Variants in SLC25A31 observed in about 807,000 individuals in gnomAD.
SLC25A31 encodes the protein ADP/ATP translocase 4.
SLC25A31 carries 40 observed loss-of-function variants against 36.2 expected under a neutral mutation model. The ratio of observed to expected loss-of-function variants is 1.10; its 90% CI spans 0.86 to 1.44. The LOEUF (loss-of-function observed/expected upper bound fraction) is 1.44. SLC25A31 is among the 40% of genes most tolerant of loss of function. The probability of loss-of-function intolerance (pLI) is 0.00; values close to 1 mark genes in which losing one functional copy is unlikely to be tolerated. For missense variants in SLC25A31, 350 were observed against 397.1 expected, an observed-to-expected ratio of 0.88 and a Z score of 1.01; for synonymous variants, 143 against 149.7, an observed-to-expected ratio of 0.96 and a Z score of 0.32.
At chr4:127,762,784 C>T (rs1174415075) in intron 2 of SLC25A31, among the ~76,000 whole-genome samples, 2 of 151,804 alleles carry the variant, frequency 1.3e-5, no homozygotes, top group Non-Finnish European at 2.9e-5. Context: ...ATTATCTGGG[C>T]GTGGTGGCGG....
chr4:127,768,159 TTATAC>T (rs765185868), intron 4 of SLC25A31, among the ~76,000 whole-genome samples: 1 of 151,948 alleles, frequency 6.6e-6, no homozygotes. Flanking sequence ...TAATAAATAA[TTATAC>T]TATACTCCTT....
chr4:127,760,295 A>C (rs563815915), intron 2 of SLC25A31, among the ~76,000 whole-genome samples: 1 of 152,364 alleles, frequency 6.6e-6, no homozygotes, highest in East Asian at 1.9e-4. Context: ...TAAGGGAAGC[A>C]TGTGCCTACT....
chr4:127,767,080 C>A lies in SLC25A31; in HGVS notation c.493C>A (p.Gln165Lys). The change falls in exon 4 of 6, where the codon CAA (glutamine) becomes AAA (lysine). Residue 165 changes from glutamine to lysine, a missense_variant. Physicochemically the swap from Gln to Lys is moderately conservative, Grantham distance 53. Coordinates refer to ENST00000281154, the MANE Select transcript of SLC25A31 (RefSeq NM_031291.4). The part of the protein sequence containing the change: ...VDIGKGPEER[Q>K]FKGLGDCIMK... ...CTTTATTTTAGGTCCTGAGGAGCGA[C>A]AATTCAAGGGTTTAGGTGACTGTAT... is the stretch of plus-strand genomic sequence containing the variant. The A allele has an allele frequency of 6.2e-7, 1 of 1,609,688 alleles. No homozygotes were observed. Among genetic ancestry groups the A allele is most frequent in the Non-Finnish European group, 8.5e-7 (1 of 1,178,376 alleles).
chr4:127,757,267 T>C (rs1489655007), intron 2 of SLC25A31, among the ~76,000 whole-genome samples: 1 of 152,200 alleles, frequency 6.6e-6, no homozygotes, highest in Non-Finnish European at 1.5e-5. Context: ...AACAGGTAGC[T>C]TTTTAACCCT....
At chr4:127,755,772 G>A (rs1436085561) in intron 2 of SLC25A31, among the ~76,000 whole-genome samples, 6 of 152,318 alleles carry the variant, frequency 3.9e-5, no homozygotes, top group Non-Finnish European at 7.3e-5. Context: ...TGTGGTTCAC[G>A]CCTATAATCC....
chr4:127,742,275 A>G (rs889686214), intron 1 of SLC25A31, among the ~76,000 whole-genome samples: 1 of 152,196 alleles, frequency 6.6e-6, no homozygotes, highest in Non-Finnish European at 1.5e-5. Context: ...TATTTGTCAT[A>G]TCTGAGTTCC....
intron 2 of SLC25A31, among the ~76,000 whole-genome samples, chr4:127,752,183 T>C (rs1393902325): frequency 1.3e-5 from 2 of 152,128 alleles, no homozygotes; most frequent in African/African-American, 4.8e-5. Context: ...TGTCCATCAG[T>C]GATAGACTGG....
intron 1 of SLC25A31, among the ~76,000 whole-genome samples, chr4:127,734,791 T>C (rs186209970): frequency 1.3e-5 from 2 of 152,168 alleles, no homozygotes; most frequent in East Asian, 1.9e-4. Flanking sequence ...TATTTATATG[T>C]ACTTTAAGTA....
chr4:127,744,404 A>G (rs980827322), intron 1 of SLC25A31, among the ~76,000 whole-genome samples: 5 of 152,320 alleles, frequency 3.3e-5, no homozygotes, highest in Middle Eastern at 3.4e-3. Flanking sequence ...TTTATCTACT[A>G]GTAAAGAGCC....
intron 2 of SLC25A31, among the ~76,000 whole-genome samples, chr4:127,754,069 A>G (rs1210422602): frequency 2.6e-5 from 4 of 152,166 alleles, no homozygotes; most frequent in Admixed American, 2.0e-4. Flanking sequence ...GCATCTGAGT[A>G]GATGTCAGAA....
intron 2 of SLC25A31, among the ~76,000 whole-genome samples, chr4:127,762,817 A>C (rs1210473995): frequency 1.3e-5 from 2 of 151,838 alleles, no homozygotes; most frequent in African/African-American, 4.8e-5. Flanking sequence ...CCAGCTACTC[A>C]GGAGGCTGAG....
intron 5 of SLC25A31, among the ~76,000 whole-genome samples, chr4:127,772,555 T>C (rs1732382851): frequency 6.6e-6 from 1 of 152,150 alleles, no homozygotes; most frequent in Non-Finnish European, 1.5e-5. Flanking sequence ...CTGCCAGTTA[T>C]TTTCTTGTTT....
At chr4:127,771,598 C>T (rs536162069) in intron 5 of SLC25A31, among the ~76,000 whole-genome samples, 140 of 152,232 alleles carry the variant, frequency 9.2e-4, no homozygotes, top group African/African-American at 3.4e-3. Context: ...CCTTTTATTT[C>T]TCTTTCTTGC....
At chr4:127,746,804 T>G (rs1261439974) in intron 2 of SLC25A31, among the ~76,000 whole-genome samples, 1 of 152,210 alleles carries the variant, frequency 6.6e-6, no homozygotes, top group Non-Finnish European at 1.5e-5. Flanking sequence ...ATTTTTGCTT[T>G]TGTTGCAATT....
At chr4:127,735,876 A>ATTTT (rs1560630392) in intron 1 of SLC25A31, among the ~76,000 whole-genome samples, 22 of 73,740 alleles carry the variant, frequency 3.0e-4, no homozygotes, top group African/African-American at 1.0e-3. Flanking sequence ...TATTTTATTT[A>ATTTT]TTTATTTATT....
intron 5 of SLC25A31, among the ~76,000 whole-genome samples, chr4:127,769,451 C>T (rs991900836): frequency 6.6e-6 from 1 of 152,130 alleles, no homozygotes; most frequent in Non-Finnish European, 1.5e-5. Context: ...AGGGAAATGC[C>T]CATTGGAGCT....
chr4:127,755,011 T>C (rs182641549), intron 2 of SLC25A31, among the ~76,000 whole-genome samples: 2 of 152,294 alleles, frequency 1.3e-5, no homozygotes, highest in African/African-American at 4.8e-5. Flanking sequence ...GTCAGTTGAT[T>C]CTTGACAAAG....
At chr4:127,738,974 A>T (rs1731685257) in intron 1 of SLC25A31, among the ~76,000 whole-genome samples, 1 of 152,012 alleles carries the variant, frequency 6.6e-6, no homozygotes, top group Admixed American at 6.6e-5. Context: ...CCAACCCTTT[A>T]CTTTGAGCCT....
chr4:127,769,618 TA>T (rs751144357), intron 5 of SLC25A31, among the ~76,000 whole-genome samples: 9 of 152,230 alleles, frequency 5.9e-5, no homozygotes, highest in Admixed American at 1.3e-4. Context: ...ATGCTTCATC[TA>T]TGCTAAGCTC....
Sources: gnomAD v4.1 joint callset for allele counts (sites outside exome capture counted in the v4.1 genomes callset) on GRCh38, gnomAD v4.1.1 for gene constraint, MANE v1.5 for transcripts, NCBI Gene and HGNC (gene_info 2026-07-23, HGNC 2026-07-21) for gene names.